The following SNTG1 variants were observed in gnomAD, a reference collection of about 807,000 sequenced individuals.
The protein encoded by SNTG1 is syntrophin gamma 1.
SNTG1 carries 39 observed loss-of-function variants against 74.7 expected under a neutral mutation model. That is an observed-to-expected ratio of 0.52 (90% CI 0.40 to 0.68). SNTG1 has a LOEUF of 0.68. SNTG1 is among the 30% of genes least tolerant of loss of function. The probability of loss-of-function intolerance (pLI) is 0.00; values close to 1 mark genes in which losing one functional copy is unlikely to be tolerated. For synonymous variants in SNTG1, 254 were observed against 217.1 expected (o/e 1.17, Z -1.49); for missense variants, 685 against 609.5 (o/e 1.12, Z -1.30).
chr8:50,238,937 A>G (rs947649999), intron 2 of SNTG1, among the ~76,000 whole-genome samples: 2 of 152,200 alleles, frequency 1.3e-5, no homozygotes, highest in African/African-American at 4.8e-5. Context: ...CAAAACCACA[A>G]TGAGATACCA....
chr8:49,910,326 T>C (rs1236418338), upstream of SNTG1, among the ~76,000 whole-genome samples: 2 of 133,782 alleles, frequency 1.5e-5, no homozygotes, highest in Admixed American at 7.5e-5. Context: ...CCAGCGCCCC[T>C]CACCAGTCTT....
At chr8:50,320,252 T>C (rs2130806997) in intron 2 of SNTG1, among the ~76,000 whole-genome samples, 1 of 152,306 alleles carries the variant, frequency 6.6e-6, no homozygotes, top group East Asian at 1.9e-4. Flanking sequence ...GTTGTATGTG[T>C]CTAGGAATCT....
At position 50,132,561 on chromosome 8, in the gene SNTG1, G is replaced by A. The variant is rs913288363; in HGVS notation, c.-102-40000G>A. On this transcript the variant is annotated intron_variant, in intron 1 of 18. Coordinates refer to ENST00000642720, the MANE Select transcript of SNTG1 (RefSeq NM_018967.5). ...TCCCAGGCAAGTCTGAAATCCAACA[G>A]GGAAAATTCTATTAGGTTTCAAGGA... Among the ~76,000 whole-genome samples the A allele has an allele frequency of 2.0e-5, 3 of 152,242 alleles. No homozygotes were observed. The East Asian group carries it at 5.8e-4, about 29-fold the overall frequency.
At chr8:50,620,119 C>T (rs747154748) in intron 13 of SNTG1, among the ~76,000 whole-genome samples, 9 of 152,116 alleles carry the variant, frequency 5.9e-5, no homozygotes. Context: ...TTCCTAGCTT[C>T]CTATGACTGG....
intron 9 of SNTG1, among the ~76,000 whole-genome samples, chr8:50,529,078 G>A (rs1447580439): frequency 2.6e-5 from 4 of 151,712 alleles, no homozygotes; most frequent in Non-Finnish European, 5.9e-5. Context: ...CAGTCACAGA[G>A]TTTGATATGT....
At chr8:50,737,117 T>G (rs1437857224) in intron 17 of SNTG1, among the ~76,000 whole-genome samples, 1 of 151,820 alleles carries the variant, frequency 6.6e-6, no homozygotes, top group Non-Finnish European at 1.5e-5. Context: ...AATCAATGAA[T>G]CCAGGAGCTG....
At chr8:50,629,144 T>G (rs913935319) in intron 13 of SNTG1, among the ~76,000 whole-genome samples, 1 of 152,174 alleles carries the variant, frequency 6.6e-6, no homozygotes. Context: ...GGGGATCTAA[T>G]GCACAGCATG....
intron 2 of SNTG1, among the ~76,000 whole-genome samples, chr8:50,360,103 A>G (rs541235633): frequency 6.6e-6 from 1 of 152,234 alleles, no homozygotes; most frequent in South Asian, 2.1e-4. Flanking sequence ...TAACTGGTCT[A>G]ACAGTTCATG....
intron 1 of SNTG1, among the ~76,000 whole-genome samples, chr8:50,166,202 T>C (rs2082611324): frequency 8.4e-5 from 1 of 11,892 alleles, no homozygotes; most frequent in East Asian, 1.5e-3. Flanking sequence ...ATTCAGGACA[T>C]AGGCGTGGGC....
intron 2 of SNTG1, among the ~76,000 whole-genome samples, chr8:50,265,539 G>A (rs917336470): frequency 2.1e-4 from 32 of 151,950 alleles, no homozygotes; most frequent in Non-Finnish European, 4.6e-4. Context: ...AAAAACCAAA[G>A]CATTTCTTGG....
chr8:50,468,872 G>A (rs1448673530), intron 8 of SNTG1, among the ~76,000 whole-genome samples: 1 of 152,128 alleles, frequency 6.6e-6, no homozygotes, highest in Non-Finnish European at 1.5e-5. Flanking sequence ...GCACTGTGCT[G>A]CTTCTTCATG....
At chr8:50,662,371 G>T (rs983408769) in intron 15 of SNTG1, among the ~76,000 whole-genome samples, 1 of 152,108 alleles carries the variant, frequency 6.6e-6, no homozygotes, top group Non-Finnish European at 1.5e-5. Context: ...AAGCAATAAG[G>T]TTTATCTGGT....
At chr8:50,625,701 C>T (rs780126333) in intron 13 of SNTG1, among the ~76,000 whole-genome samples, 3 of 152,152 alleles carry the variant, frequency 2.0e-5, no homozygotes, top group Non-Finnish European at 4.4e-5. Context: ...TTCAGTATGA[C>T]AAAAAGTATT....
chr8:50,480,693 T>C (rs879764367), intron 8 of SNTG1, among the ~76,000 whole-genome samples: 3 of 152,192 alleles, frequency 2.0e-5, no homozygotes, highest in Non-Finnish European at 4.4e-5. Flanking sequence ...TTTGGTCAAA[T>C]AGGGTTTTGT....
chr8:50,035,775 T>C (rs1585991538), intron 1 of SNTG1, among the ~76,000 whole-genome samples: 1 of 152,226 alleles, frequency 6.6e-6, no homozygotes. Flanking sequence ...CAGAGAGACT[T>C]GAAGAGAGCA....
chr8:50,572,718 C>A (rs2094556193), intron 12 of SNTG1, among the ~76,000 whole-genome samples: 2 of 152,066 alleles, frequency 1.3e-5, no homozygotes, highest in Non-Finnish European at 2.9e-5. Context: ...AGAGTTTTCT[C>A]AACAGTTAGA....
intron 2 of SNTG1, among the ~76,000 whole-genome samples, chr8:50,213,253 G>A (rs1441675791): frequency 4.6e-5 from 7 of 152,150 alleles, no homozygotes; most frequent in Non-Finnish European, 7.4e-5. Context: ...ATTTCTCAGT[G>A]AAGTATTCTG....
In SNTG1 at chr8:50,666,397, G is replaced by C. The variant is rs2095250975; in HGVS notation, c.1038+7734G>C. ...AGGACTAGACCACATCAGAGTCCTTGCTTTGATGATTGCATTGTGTTTATG... is the reference window on the plus strand; with the variant it reads ...AGGACTAGACCACATCAGAGTCCTTCCTTTGATGATTGCATTGTGTTTATG... On this transcript the variant is annotated intron_variant, in intron 15 of 18. Coordinates refer to ENST00000642720, the MANE Select transcript of SNTG1 (RefSeq NM_018967.5). 5.3e-5 allele frequency among the ~76,000 whole-genome samples: 8 copies of C among 151,688 alleles called. No individual in the cohort carries two copies. In the Admixed American group the frequency reaches 5.3e-4, roughly 10 times the overall value.
intron 13 of SNTG1, among the ~76,000 whole-genome samples, chr8:50,606,792 T>C (rs1256516963): frequency 2.6e-5 from 4 of 151,950 alleles, no homozygotes; most frequent in Non-Finnish European, 4.4e-5. Context: ...TGTTCAACTG[T>C]GTTAAATGCC....
Sources: allele counts gnomAD v4.1 joint callset (sites outside exome capture counted in the v4.1 genomes callset), GRCh38; gene constraint gnomAD v4.1.1; transcripts MANE v1.5; gene names NCBI Gene and HGNC (gene_info 2026-07-23, HGNC 2026-07-21).